Variants in SSUH2 observed in about 807,000 individuals in gnomAD.
SSUH2 encodes ssu-2 homolog.
In SSUH2, 47 loss-of-function variants were observed where a neutral mutation model predicts 55.3. The observed-to-expected ratio is 0.85, with a 90% CI of 0.67 to 1.08. SSUH2 has a LOEUF of 1.08. Ranked by LOEUF, SSUH2 falls within the 50% of genes least tolerant of loss-of-function variation. The pLI is 0.00. For missense variants in SSUH2, 535 were observed against 490.7 expected (o/e 1.09, Z -0.85); for synonymous variants, 212 against 191.5 (o/e 1.11, Z -0.89).
At chr3:8,668,856 T>G (rs1462837295) in intron 5 of SSUH2, among the ~76,000 whole-genome samples, 1 of 150,580 alleles carries the variant, frequency 6.6e-6, no homozygotes, top group Non-Finnish European at 1.5e-5. Context: ...CATGTTATTT[T>G]CACAACCTAG....
At chr3:8,676,558 TATC>T (rs1195015593) in intron 3 of SSUH2, among the ~76,000 whole-genome samples, 1 of 150,980 alleles carries the variant, frequency 6.6e-6, no homozygotes, top group Non-Finnish European at 1.5e-5. Flanking sequence ...TTGGGAGTAA[TATC>T]AACCTCTCGG....
chr3:8,630,859 C>A lies in SSUH2; in HGVS notation c.471G>T (p.Pro157=). 6.6e-7 allele frequency: 1 copy of A among 1,507,030 alleles called. No homozygotes were observed. Among genetic ancestry groups the A allele is most frequent in the Non-Finnish European group, 8.9e-7 (1 of 1,128,038 alleles). 93.4% of individuals were successfully genotyped at this position (1,507,030 alleles called of 1,614,324 possible). A position where few individuals can be genotyped will look rare whatever the true frequency, so the allele number is the denominator to read the frequency against. Residue 157 remains proline (P), a synonymous_variant, in exon 6 of 12, where the codon CCG becomes CCT. Transcript: ENST00000544814. ...ACTTCCTGGTGTCTTCCTGAAACAT[C>A]GGAGGACCTTGAACCTTGATGTCCC... is the stretch of plus-strand genomic sequence containing the variant. ...RLWDIKVQGP[P]MFQEDTRKFQ...
intron 1 of SSUH2, among the ~76,000 whole-genome samples, chr3:8,681,629 CAGGAGGGTGAGGCACCCCCCGT>C: frequency 6.7e-6 from 1 of 148,952 alleles, no homozygotes. Flanking sequence ...ACCCCCATCG[CAGGAGGGTGAGGCACCCCCCGT>C]GCGATGGGGA....
Position 8,679,401 on chromosome 3 carries a change from G to A in SSUH2, c.-901+304C>T, listed in dbSNP as rs577300512. ...ATCCCCCAGGAGGAGGGGACTGAGA[G>A]CCAGCCCCTCTTCCCCCCCTGGCTC... On this transcript the variant is annotated intron_variant, in intron 2 of 18. Transcript: ENST00000317371. 7.1e-4 allele frequency among the ~76,000 whole-genome samples: 95 copies of A among 134,606 alleles called. 2 individuals are homozygous for A. The highest frequency in any genetic ancestry group is 1.3e-3 in the Admixed American group (17 of 12,966). 88.3% of individuals were successfully genotyped at this position (134,606 alleles called of 152,430 possible). A position where few individuals can be genotyped will look rare whatever the true frequency, so the allele number is the denominator to read the frequency against.
At chr3:8,620,760 G>T (rs182033756) in intron 11 of SSUH2, among the ~76,000 whole-genome samples, 116 of 152,274 alleles carry the variant, frequency 7.6e-4, no homozygotes, top group Middle Eastern at 3.4e-3. Context: ...GGATAAAGTC[G>T]GTTTAAACAT....
Position 8,678,799 on chromosome 3 carries a change from A to G in SSUH2, c.-901+906T>C, listed in dbSNP as rs1323612596. On this transcript the variant is annotated intron_variant, in intron 2 of 18. Transcript: ENST00000317371. The stretch of plus-strand genomic sequence containing the variant: ...TTCCCTCCCTGCCACTTAGGACCCC[A>G]TCGCAGGGAGAGGAGGCGGCACTCC... Among the ~76,000 whole-genome samples, 10 of 104,842 alleles carry G rather than the reference A, an allele frequency of 9.5e-5. 2 individuals carry two copies. Among genetic ancestry groups the G allele is most frequent in the Non-Finnish European group, 2.1e-4 (10 of 46,536 alleles). The allele number at this position is 104,842 out of a possible 152,430, so 68.8% of individuals were successfully genotyped here.
intron 4 of SSUH2, chr3:8,671,291 G>A (rs769533656): frequency 2.6e-4 from 44 of 168,042 alleles, no homozygotes; most frequent in Non-Finnish European, 6.6e-5. Flanking sequence ...AAATTATAAC[G>A]AATAATTTCA....
Position 8,635,307 on chromosome 3 carries a change from C to A in SSUH2, c.202G>T (p.Glu68Ter). ...GTACAACCTGAAACTCACCTGTGTTCCAGGAACGAGGGCCAGGACCTTTGC... is the reference window on the plus strand; with the variant it reads ...GTACAACCTGAAACTCACCTGTGTTACAGGAACGAGGGCCAGGACCTTTGC... ...QEQRSWPSFL[E>*]HRVPAMTEEV... The change falls in exon 3 of 12, where the codon GAA (glutamate) becomes TAA (stop). Residue 68 changes from glutamate (E) to a stop codon, truncating the protein, a stop_gained. Transcript: ENST00000544814. LOFTEE classifies it high-confidence loss of function. 1.3e-6 allele frequency: 2 copies of A among 1,535,358 alleles called. No homozygotes were observed. Among genetic ancestry groups the A allele is most frequent in the Non-Finnish European group, 1.7e-6 (2 of 1,146,392 alleles).
chr3:8,644,585 T>A lies in SSUH2; in HGVS notation c.28+146A>T, dbSNP rs373150508. 680 of 756,316 alleles carry A rather than the reference T, an allele frequency of 9.0e-4. 7 individuals carry two copies. The South Asian group carries it at 9.3e-3, about 10-fold the overall frequency. The allele number at this position is 756,316 out of a possible 1,614,324, so 46.9% of individuals were successfully genotyped here. On this transcript the variant is annotated intron_variant, in intron 1 of 11. Coordinates refer to ENST00000544814, the MANE Select transcript of SSUH2 (RefSeq NM_001256748.3). ...ACTGCATTTAGGGCAGATGGAAGAG[T>A]TCACACAGTGCTAGCTACAGAGCTT...
chr3:8,641,064 G>C (rs992084610), intron 1 of SSUH2, among the ~76,000 whole-genome samples: 1 of 152,096 alleles, frequency 6.6e-6, no homozygotes, highest in Non-Finnish European at 1.5e-5. Context: ...CCCCAGCCCT[G>C]GCTGGGGCTG....
chr3:8,675,941 C>T (rs1053155452), intron 3 of SSUH2, among the ~76,000 whole-genome samples: 1 of 152,134 alleles, frequency 6.6e-6, no homozygotes, highest in Non-Finnish European at 1.5e-5. Context: ...AGTGGCCTAC[C>T]TCTCTAAACA....
At chr3:8,675,838 G>C (rs182149080) in intron 3 of SSUH2, among the ~76,000 whole-genome samples, 30 of 152,198 alleles carry the variant, frequency 2.0e-4, no homozygotes, top group Admixed American at 3.9e-4. Flanking sequence ...TGGGGCTACC[G>C]GATCTGACAA....
chr3:8,638,602 G>A (rs1700320267), intron 1 of SSUH2, among the ~76,000 whole-genome samples: 1 of 152,142 alleles, frequency 6.6e-6, no homozygotes, highest in Non-Finnish European at 1.5e-5. Flanking sequence ...ACACATCCCT[G>A]TAGAACTCAA....
intron 3 of SSUH2, chr3:8,677,161 T>A: frequency 6.6e-6 from 1 of 151,744 alleles, no homozygotes; most frequent in Non-Finnish European, 1.5e-5. Flanking sequence ...CTTCCCCCCC[T>A]TGCTCAGGAC....
chr3:8,650,020 C>A (rs967536848), intron 7 of SSUH2, among the ~76,000 whole-genome samples: 2 of 152,296 alleles, frequency 1.3e-5, no homozygotes, highest in Admixed American at 6.5e-5. Context: ...CTGGGTCACA[C>A]CAAGCACATT....
At chr3:8,633,493 A>G (rs1487883109) in intron 4 of SSUH2, among the ~76,000 whole-genome samples, 173 bp downstream of exon 4, 1 of 152,120 alleles carries the variant, frequency 6.6e-6, no homozygotes, top group Admixed American at 6.5e-5. Flanking sequence ...ACTCACAGCC[A>G]CAGACAAGTC....
exon 2 of SSUH2, chr3:8,679,727 T>C (rs1339253232): frequency 2.2e-5 from 4 of 183,940 alleles, no homozygotes; most frequent in African/African-American, 7.2e-5. Flanking sequence ...GGGTATTAGG[T>C]GTCTAAGAAG....
chr3:8,635,524 T>G (rs1047214989), intron 2 of SSUH2, 143 bp from the exon 3 acceptor site: 7 of 745,528 alleles, frequency 9.4e-6, no homozygotes, highest in Non-Finnish European at 1.5e-5. Flanking sequence ...GAATGGGGAC[T>G]CCAAGACCAG....
At chr3:8,669,627 G>A (rs1345936386) in intron 5 of SSUH2, among the ~76,000 whole-genome samples, 1 of 152,190 alleles carries the variant, frequency 6.6e-6, no homozygotes, top group African/African-American at 2.4e-5. Context: ...ACATGATCAA[G>A]GCTAACATCA....
Sources: allele counts gnomAD v4.1 joint callset (sites outside exome capture counted in the v4.1 genomes callset), GRCh38; gene constraint gnomAD v4.1.1; transcripts MANE v1.5; gene names NCBI Gene and HGNC (gene_info 2026-07-23, HGNC 2026-07-21).